Variants in LIPA observed in about 807,000 individuals in gnomAD.
The protein encoded by LIPA is lysosomal acid lipase/cholesteryl ester hydrolase.
A neutral mutation model predicts 40.6 loss-of-function variants in LIPA; 26 were observed. The ratio of observed to expected loss-of-function variants is 0.64; its 90% confidence interval spans 0.47 to 0.89. The LOEUF is 0.89. Among genes scored for constraint, LIPA ranks in the 40% least tolerant of loss-of-function variants. The probability of loss-of-function intolerance (pLI) is 0.00; values close to 1 mark genes in which losing one functional copy is unlikely to be tolerated. For missense variants in LIPA, 455 were observed against 479.6 expected, an observed-to-expected ratio of 0.95 and a Z score of 0.48; for synonymous variants, 188 against 168.4, an observed-to-expected ratio of 1.12 and a Z score of -0.90.
chr10:89,383,192 A>G, intron 2 of LIPA: 1 of 796,574 alleles, frequency 1.3e-6, no homozygotes, highest in Non-Finnish European at 2.0e-6. Context: ...TAGAACCCAG[A>G]GGGGCACCAG....
At chr10:89,242,990 G>A (rs1205892100) in intron 3 of LIPA, among the ~76,000 whole-genome samples, 2 of 152,170 alleles carry the variant, frequency 1.3e-5, no homozygotes, top group East Asian at 3.9e-4. Flanking sequence ...GTGGCCTAGA[G>A]AGGACCCGTG....
intron 1 of LIPA, chr10:89,307,008 A>G: frequency 6.2e-7 from 1 of 1,614,062 alleles, no homozygotes; most frequent in South Asian, 1.1e-5. Flanking sequence ...GATCAGTATG[A>G]AGACGCAGAG....
At chr10:89,264,491 A>G (rs960192239) in intron 1 of LIPA, among the ~76,000 whole-genome samples, 2 of 152,082 alleles carry the variant, frequency 1.3e-5, no homozygotes, top group African/African-American at 2.4e-5. Context: ...GGTAGCTCCT[A>G]TCCACAAGCA....
chr10:89,337,538 T>C (rs1843762604), intron 1 of LIPA, among the ~76,000 whole-genome samples: 1 of 152,226 alleles, frequency 6.6e-6, no homozygotes, highest in African/African-American at 2.4e-5. Flanking sequence ...TGGCGAGGAC[T>C]ACAGGCATGT....
At chr10:89,291,229 TTCC>T (rs1843372766) in intron 1 of LIPA, among the ~76,000 whole-genome samples, 1 of 152,000 alleles carries the variant, frequency 6.6e-6, no homozygotes, top group Non-Finnish European at 1.5e-5. Flanking sequence ...CATTCTCTTC[TTCC>T]TCATTTTTTC....
At chr10:89,381,378 T>G (rs1844162039) in intron 2 of LIPA, among the ~76,000 whole-genome samples, 2 of 152,192 alleles carry the variant, frequency 1.3e-5, no homozygotes, top group South Asian at 4.1e-4. Flanking sequence ...TACTTACTCC[T>G]GACCCCACCT....
At chr10:89,223,190 G>A (rs1842722549) in intron 7 of LIPA, among the ~76,000 whole-genome samples, 1 of 151,812 alleles carries the variant, frequency 6.6e-6, no homozygotes, top group Admixed American at 6.6e-5. Context: ...TTTTAGATTC[G>A]GGGGGTCCAT....
intron 2 of LIPA, among the ~76,000 whole-genome samples, chr10:89,389,549 G>A (rs1229726598): frequency 6.6e-6 from 1 of 152,194 alleles, no homozygotes; most frequent in Admixed American, 6.5e-5. Context: ...TTAGCAAGCT[G>A]ATAAGAGATT....
Position 89,287,865 on chromosome 10 carries a change from C to G in LIPA, c.-1-40216G>C, listed in dbSNP as rs374517053. Among the ~76,000 whole-genome samples the G allele has an allele frequency of 2.2e-4, 34 of 152,314 alleles. No individual in the cohort carries two copies. In the South Asian group the frequency reaches 6.4e-3, roughly 29 times the overall value. ...TTATCAACCAAATTGTTTTGCCTAT[C>G]CACCCTGTAGTGCCCAACTCGTACA... On this transcript the variant is annotated intron_variant, in intron 1 of 5. Coordinates refer to the LIPA transcript ENST00000282673.
intron 1 of LIPA, chr10:89,340,248 T>C: frequency 9.4e-7 from 1 of 1,067,308 alleles, no homozygotes; most frequent in Non-Finnish European, 1.3e-6. Flanking sequence ...CATGTTGCTC[T>C]AAGGTACATT....
intron 1 of LIPA, among the ~76,000 whole-genome samples, chr10:89,272,170 G>C (rs1266538286): frequency 6.6e-6 from 1 of 152,168 alleles, no homozygotes; most frequent in African/African-American, 2.4e-5. Flanking sequence ...TATGGGGGTT[G>C]ATTGTACAGA....
At chr10:89,338,999 T>C in intron 1 of LIPA, 1 of 1,614,162 alleles carries the variant, frequency 6.2e-7, no homozygotes, top group East Asian at 2.2e-5. Flanking sequence ...GATGCTCAGA[T>C]TTATGTAGAT....
At chr10:89,215,169 C>G in intron 9 of LIPA, 108 bp from the exon 10 acceptor site, 1 of 849,062 alleles carries the variant, frequency 1.2e-6, no homozygotes, top group Non-Finnish European at 2.0e-6. Context: ...GTTTGACTAA[C>G]AGACTAAATT....
intron 1 of LIPA, among the ~76,000 whole-genome samples, chr10:89,258,082 GGCTGCCTT>G: frequency 6.6e-6 from 1 of 152,140 alleles, no homozygotes; most frequent in South Asian, 2.1e-4. Context: ...CCTAAGTTAA[GGCTGCCTT>G]TTAAAAATAA....
chr10:89,307,392 G>C (rs763222492), intron 1 of LIPA: 1 of 1,561,082 alleles, frequency 6.4e-7, no homozygotes, highest in Non-Finnish European at 8.7e-7. Context: ...GAGATGTGGT[G>C]CCCACTAGGC....
intron 2 of LIPA, among the ~76,000 whole-genome samples, chr10:89,409,869 C>T (rs1841456643): frequency 6.6e-6 from 1 of 152,208 alleles, no homozygotes; most frequent in African/African-American, 2.4e-5. Context: ...AAAGCTGGAG[C>T]TATTATCTAA....
intron 1 of LIPA, among the ~76,000 whole-genome samples, chr10:89,319,936 C>T (rs1433537844): frequency 6.6e-6 from 1 of 152,114 alleles, no homozygotes; most frequent in East Asian, 1.9e-4. Context: ...TAAATGTAAT[C>T]CAGCATAAAA....
chr10:89,324,728 TA>T (rs1843590106), intron 1 of LIPA, among the ~76,000 whole-genome samples: 1 of 152,174 alleles, frequency 6.6e-6, no homozygotes, highest in Admixed American at 6.5e-5. Flanking sequence ...AGACACTTTT[TA>T]AAAGAAGACA....
At chr10:89,315,018 T>A (rs979817706) in intron 1 of LIPA, among the ~76,000 whole-genome samples, 15 of 152,226 alleles carry the variant, frequency 9.9e-5, no homozygotes, top group African/African-American at 3.6e-4. Context: ...CCATTCATTG[T>A]GAGCAAAGAA....
Sources: gnomAD v4.1 joint callset for allele counts (sites outside exome capture counted in the v4.1 genomes callset) on GRCh38, gnomAD v4.1.1 for gene constraint, MANE v1.5 for transcripts, NCBI Gene and HGNC (gene_info 2026-07-23, HGNC 2026-07-21) for gene names.